Variants in ZNF385D observed in about 807,000 individuals in gnomAD.
The protein encoded by ZNF385D is zinc finger protein 659.
Under a neutral mutation model 35.8 loss-of-function variants are expected in ZNF385D, and 15 were observed. The ratio of observed to expected loss-of-function variants is 0.42; its 90% CI spans 0.28 to 0.64. The LOEUF (loss-of-function observed/expected upper bound fraction) is 0.64, where lower values mean the gene tolerates loss of function less well. Among genes scored for constraint, ZNF385D ranks in the 30% least tolerant of loss-of-function variants. The probability of loss-of-function intolerance (pLI) is 0.23; values close to 1 mark genes in which losing one functional copy is unlikely to be tolerated. For synonymous variants in ZNF385D, 212 were observed against 186.8 expected (o/e 1.13, Z -1.10); for missense variants, 474 against 494.6 (o/e 0.96, Z 0.39).
rs538231189 is a variant in ZNF385D at position 21,612,309 on chromosome 3, A to C, written c.166-47625T>G. On this transcript the variant is annotated intron_variant, in intron 2 of 7. Coordinates refer to ENST00000281523, the MANE Select transcript of ZNF385D (RefSeq NM_024697.3). ...GAGACGGGGTATCACCGTGTTGGGC[A>C]GGGTGGTCTTGAACTCCTGACCTCG... Among the ~76,000 whole-genome samples the C allele has an allele frequency of 3.7e-3, 566 of 152,106 alleles. 3 individuals carry two copies. Among genetic ancestry groups the C allele is most frequent in the Non-Finnish European group, 6.7e-3 (455 of 67,992 alleles).
chr3:22,092,624 C>T (rs1417018174), intron 3 of ZNF385D, among the ~76,000 whole-genome samples: 1 of 152,090 alleles, frequency 6.6e-6, no homozygotes, highest in African/African-American at 2.4e-5. Context: ...TATTATGTAT[C>T]AATTCAGCCT....
At chr3:22,156,225 G>A (rs1355382893) in intron 3 of ZNF385D, among the ~76,000 whole-genome samples, 3 of 145,338 alleles carry the variant, frequency 2.1e-5, no homozygotes, top group African/African-American at 4.9e-5. Context: ...AAGTGAAGGT[G>A]TAACAAGAAA....
intron 3 of ZNF385D, among the ~76,000 whole-genome samples, chr3:22,043,798 A>C (rs1278792143): frequency 6.6e-6 from 1 of 152,096 alleles, no homozygotes; most frequent in African/African-American, 2.4e-5. Flanking sequence ...ACATTAGGCT[A>C]TAAAAATCTG....
intron 2 of ZNF385D, among the ~76,000 whole-genome samples, chr3:21,569,746 A>G (rs1032794192): frequency 6.6e-6 from 1 of 151,740 alleles, no homozygotes; most frequent in Non-Finnish European, 1.5e-5. Flanking sequence ...TGATGAGTTC[A>G]TGTCCTTTGT....
intron 3 of ZNF385D, among the ~76,000 whole-genome samples, chr3:21,817,951 G>C (rs143766882): frequency 6.6e-6 from 1 of 152,268 alleles, no homozygotes; most frequent in East Asian, 1.9e-4. Flanking sequence ...GTGACAGACT[G>C]GATTAAGAAA....
chr3:21,730,120 A>T (rs1337869261), intron 1 of ZNF385D, among the ~76,000 whole-genome samples: 2 of 152,360 alleles, frequency 1.3e-5, no homozygotes, highest in African/African-American at 4.8e-5. Context: ...ACACGCATCC[A>T]GGGATTTGAC....
chr3:22,332,463 G>C (rs1461821551), intron 2 of ZNF385D, among the ~76,000 whole-genome samples: 1 of 152,118 alleles, frequency 6.6e-6, no homozygotes, highest in East Asian at 1.9e-4. Context: ...GTGAAAGGAA[G>C]AAGGCATGGT....
chr3:22,057,974 C>T (rs572472670), intron 3 of ZNF385D, among the ~76,000 whole-genome samples: 2 of 152,214 alleles, frequency 1.3e-5, no homozygotes, highest in East Asian at 3.9e-4. Context: ...TTGTTTATCT[C>T]AATCAAATAA....
At chr3:21,704,911 C>G (rs1293401552) in intron 1 of ZNF385D, among the ~76,000 whole-genome samples, 1 of 152,170 alleles carries the variant, frequency 6.6e-6, no homozygotes, top group East Asian at 1.9e-4. Context: ...TAGCATCCCT[C>G]TGCAGTGGGG....
chr3:21,697,120 G>C (rs372385590), intron 1 of ZNF385D, among the ~76,000 whole-genome samples: 1 of 152,106 alleles, frequency 6.6e-6, no homozygotes, highest in East Asian at 1.9e-4. Flanking sequence ...CTTAGGGAGA[G>C]GTACTTAGCC....
intron 2 of ZNF385D, among the ~76,000 whole-genome samples, chr3:21,583,310 G>C (rs971918918): frequency 6.6e-6 from 1 of 152,154 alleles, no homozygotes; most frequent in African/African-American, 2.4e-5. Flanking sequence ...TATTTTGTTA[G>C]AACACTACCT....
chr3:22,129,126 A>G (rs1174832247), intron 3 of ZNF385D, among the ~76,000 whole-genome samples: 4 of 152,106 alleles, frequency 2.6e-5, no homozygotes, highest in Non-Finnish European at 4.4e-5. Flanking sequence ...GATCCAGGAG[A>G]ATTCCATGGA....
chr3:22,162,166 G>A (rs1027712801), intron 3 of ZNF385D, among the ~76,000 whole-genome samples: 4 of 152,052 alleles, frequency 2.6e-5, no homozygotes, highest in Admixed American at 6.6e-5. Flanking sequence ...GTATTAAATC[G>A]TGTTGCATTT....
At chr3:22,134,296 A>C (rs1703974953) in intron 3 of ZNF385D, 1 of 152,142 alleles carries the variant, frequency 6.6e-6, no homozygotes, top group African/African-American at 2.4e-5. Flanking sequence ...TCAGAACAAA[A>C]AAATTACAAA....
chr3:21,912,835 T>A (rs13066270), intron 3 of ZNF385D, among the ~76,000 whole-genome samples: 1 of 152,100 alleles, frequency 6.6e-6, no homozygotes, highest in African/African-American at 2.4e-5. Flanking sequence ...CCTTTATTTC[T>A]TGAACAGTTC....
At chr3:21,854,628 C>A (rs1575782074) in intron 3 of ZNF385D, among the ~76,000 whole-genome samples, 1 of 151,896 alleles carries the variant, frequency 6.6e-6, no homozygotes, top group South Asian at 2.1e-4. Flanking sequence ...GTAGCAGCAT[C>A]TTTTTGTTGT....
chr3:21,818,165 C>T (rs1481646095), intron 3 of ZNF385D, among the ~76,000 whole-genome samples: 1 of 131,440 alleles, frequency 7.6e-6, no homozygotes, highest in Non-Finnish European at 1.6e-5. Context: ...ACACCACACA[C>T]GGGGGCCTGT....
In ZNF385D at chr3:22,024,570, G is replaced by T. The variant is rs980796740; in HGVS notation, c.325+144247C>A. 2.6e-5 allele frequency among the ~76,000 whole-genome samples: 4 copies of T among 152,052 alleles called. No homozygotes were observed. In the South Asian group the frequency reaches 8.3e-4, roughly 32 times the overall value. On this transcript the variant is annotated intron_variant, in intron 3 of 5. Transcript: ENST00000494108. Reference sequence around the variant, plus strand: ...TTAATAGTATGGAGAACTGTTAATAGTATGGAGAACATACTATTATATTCT... The same window carrying T: ...TTAATAGTATGGAGAACTGTTAATATTATGGAGAACATACTATTATATTCT...
At chr3:21,929,310 CT>C (rs1391817385) in intron 3 of ZNF385D, among the ~76,000 whole-genome samples, 2 of 151,922 alleles carry the variant, frequency 1.3e-5, no homozygotes, top group Non-Finnish European at 2.9e-5. Flanking sequence ...AAAAAAAGAA[CT>C]TTCTCAAACT....
Sources: allele counts gnomAD v4.1 joint callset (sites outside exome capture counted in the v4.1 genomes callset), GRCh38; gene constraint gnomAD v4.1.1; transcripts MANE v1.5; gene names NCBI Gene and HGNC (gene_info 2026-07-23, HGNC 2026-07-21).